The following ROBO2 variants were observed in gnomAD, a reference collection of about 807,000 sequenced individuals.
ROBO2 encodes roundabout homolog 2.
In ROBO2, 53 loss-of-function variants were observed where a neutral mutation model predicts 160.8. The ratio of observed to expected loss-of-function variants is 0.33; its 90% CI spans 0.26 to 0.41. The LOEUF is 0.41. Among genes scored for constraint, ROBO2 ranks in the 10% least tolerant of loss-of-function variants. The pLI, the probability that ROBO2 is intolerant of heterozygous loss-of-function variation, is 1.00. For synonymous variants in ROBO2, 664 were observed against 611.7 expected, an observed-to-expected ratio of 1.09 and a Z score of -1.26; for missense variants, 1,577 against 1,722.4, an observed-to-expected ratio of 0.92 and a Z score of 1.49.
chr3:76,614,478 A>G (rs2109126395), intron 2 of ROBO2, among the ~76,000 whole-genome samples: 1 of 152,232 alleles, frequency 6.6e-6, no homozygotes, highest in East Asian at 1.9e-4. Flanking sequence ...CACTACATAG[A>G]AGACAAACCA....
Position 76,244,832 on chromosome 3 carries a change from G to T in ROBO2, c.109+307230G>T, listed in dbSNP as rs184454479. 1.2e-4 allele frequency among the ~76,000 whole-genome samples: 19 copies of T among 152,202 alleles called. No homozygotes were observed. The East Asian group carries it at 3.7e-3, about 29-fold the overall frequency. ...AAATGCTATAAAAAATTCAAAATAT[G>T]AATAAAAGTAACTATTCAGACCCCA... On this transcript the variant is annotated intron_variant, in intron 2 of 26. Coordinates refer to the ROBO2 transcript ENST00000487694.
chr3:76,294,882 T>G (rs1708991396), intron 2 of ROBO2, among the ~76,000 whole-genome samples: 1 of 152,182 alleles, frequency 6.6e-6, no homozygotes, highest in African/African-American at 2.4e-5. Flanking sequence ...TCTTGATAGA[T>G]AGTGGTTTCT....
At chr3:77,577,399 T>C (rs1005561292) in intron 14 of ROBO2, 91 bp from the exon 16 acceptor site, 26 of 1,563,476 alleles carry the variant, frequency 1.7e-5, no homozygotes, top group Non-Finnish European at 2.2e-5. Context: ...CAGAGTCTCC[T>C]GCAACTTGTC....
At chr3:77,517,683 T>C (rs997081891) in intron 5 of ROBO2, among the ~76,000 whole-genome samples, 4 of 151,490 alleles carry the variant, frequency 2.6e-5, no homozygotes, top group African/African-American at 9.7e-5. Flanking sequence ...TTCAAAAATA[T>C]TAAATGAAAA....
intron 2 of ROBO2, among the ~76,000 whole-genome samples, chr3:76,550,199 A>G (rs2083332952): frequency 6.6e-6 from 1 of 152,148 alleles, no homozygotes. Flanking sequence ...TAACTCGTAA[A>G]ATGACCACTT....
chr3:76,044,342 A>T (rs2067377866), intron 2 of ROBO2, among the ~76,000 whole-genome samples: 1 of 152,064 alleles, frequency 6.6e-6, no homozygotes, highest in Non-Finnish European at 1.5e-5. Flanking sequence ...GTTTTTAAAT[A>T]GAAGAGAAGC....
intron 2 of ROBO2, among the ~76,000 whole-genome samples, chr3:77,425,106 T>C (rs1157883503): frequency 1.3e-5 from 2 of 152,070 alleles, no homozygotes; most frequent in Non-Finnish European, 2.9e-5. Flanking sequence ...ATTTTCTCTA[T>C]TGAATTATTT....
intron 2 of ROBO2, among the ~76,000 whole-genome samples, chr3:76,763,387 T>G (rs1333518681): frequency 6.6e-6 from 1 of 151,754 alleles, no homozygotes; most frequent in Non-Finnish European, 1.5e-5. Context: ...GGCTACCATG[T>G]GCCAGCCAAT....
At chr3:77,119,632 T>C (rs2074550293) in intron 2 of ROBO2, among the ~76,000 whole-genome samples, 1 of 152,218 alleles carries the variant, frequency 6.6e-6, no homozygotes. Flanking sequence ...ATCTGTTACC[T>C]CACAGGGAAA....
At chr3:76,079,445 C>T (rs1432797590) in intron 2 of ROBO2, among the ~76,000 whole-genome samples, 2 of 150,316 alleles carry the variant, frequency 1.3e-5, no homozygotes, top group Non-Finnish European at 3.0e-5. Context: ...TATCATTAAA[C>T]ATTGAAAATT....
chr3:77,563,721 T>C (rs576794945), intron 11 of ROBO2, among the ~76,000 whole-genome samples: 2 of 152,218 alleles, frequency 1.3e-5, no homozygotes, highest in South Asian at 2.1e-4. Context: ...GACTCTGGCA[T>C]TTATATTCCT....
intron 2 of ROBO2, among the ~76,000 whole-genome samples, chr3:77,178,283 A>G (rs958431714): frequency 3.0e-4 from 45 of 152,054 alleles, no homozygotes; most frequent in African/African-American, 1.1e-3. Flanking sequence ...TTTGCCCTGT[A>G]GATCTGAAGT....
intron 2 of ROBO2, among the ~76,000 whole-genome samples, chr3:76,534,891 G>T (rs560007555): frequency 1.4e-4 from 22 of 152,158 alleles, no homozygotes; most frequent in Non-Finnish European, 1.0e-4. Context: ...TCCATGATGG[G>T]AAGGAAATGG....
intron 2 of ROBO2, among the ~76,000 whole-genome samples, chr3:76,014,230 C>T (rs910539046): frequency 3.7e-5 from 4 of 109,316 alleles, no homozygotes; most frequent in African/African-American, 8.9e-5. Context: ...AGGCATTTGA[C>T]GGCTGGCACG....
intron 2 of ROBO2, among the ~76,000 whole-genome samples, chr3:76,439,693 G>T (rs1475130894): frequency 6.6e-6 from 1 of 152,152 alleles, no homozygotes; most frequent in Non-Finnish European, 1.5e-5. Context: ...TTCTTGTAAA[G>T]AAATTGAAGA....
At chr3:76,861,745 C>A (rs956868136) in intron 2 of ROBO2, among the ~76,000 whole-genome samples, 2 of 152,140 alleles carry the variant, frequency 1.3e-5, no homozygotes, top group Non-Finnish European at 2.9e-5. Flanking sequence ...CAATAGCTTT[C>A]CTCAAAACAT....
intron 2 of ROBO2, among the ~76,000 whole-genome samples, chr3:76,027,991 A>C (rs1412747764): frequency 1.3e-5 from 2 of 151,962 alleles, no homozygotes; most frequent in Non-Finnish European, 2.9e-5. Context: ...AGGATAGATT[A>C]ATATGGCTAA....
At chr3:77,421,020 C>G (rs2077664586) in intron 2 of ROBO2, among the ~76,000 whole-genome samples, 1 of 152,064 alleles carries the variant, frequency 6.6e-6, no homozygotes. Flanking sequence ...AAATTGTCTA[C>G]AAGAAAGTAT....
chr3:76,084,619 A>G (rs2068946173), intron 2 of ROBO2, among the ~76,000 whole-genome samples: 2 of 152,250 alleles, frequency 1.3e-5, no homozygotes, highest in East Asian at 1.9e-4. Context: ...TAGGATTTCC[A>G]TTATAATATC....
Sources: allele counts gnomAD v4.1 joint callset (sites outside exome capture counted in the v4.1 genomes callset), GRCh38; gene constraint gnomAD v4.1.1; transcripts MANE v1.5; gene names NCBI Gene and HGNC (gene_info 2026-07-23, HGNC 2026-07-21).